Variants in SUCLG2 observed in about 807,000 individuals in gnomAD.
SUCLG2 encodes succinate-CoA ligase GDP-forming subunit beta, also known as succinate--CoA ligase [GDP-forming] subunit beta, mitochondrial.
SUCLG2 carries 42 observed loss-of-function variants against 47.9 expected under a neutral mutation model. The ratio of observed to expected loss-of-function variants is 0.88; its 90% CI spans 0.69 to 1.14. The LOEUF (loss-of-function observed/expected upper bound fraction) is 1.14. SUCLG2 is among the 50% of genes most tolerant of loss of function. SUCLG2 has a pLI of 0.00. For missense variants in SUCLG2, 571 were observed against 525.9 expected, an observed-to-expected ratio of 1.09 and a Z score of -0.84; for synonymous variants, 195 against 197.3, an observed-to-expected ratio of 0.99 and a Z score of 0.10.
chr3:67,398,345 C>G (rs949281182), intron 10 of SUCLG2, among the ~76,000 whole-genome samples: 15 of 151,128 alleles, frequency 9.9e-5, no homozygotes, highest in African/African-American at 3.2e-4. Flanking sequence ...ACAACCCCAT[C>G]AAAAAGTGGG....
chr3:67,396,557 G>A (rs1409408878), intron 10 of SUCLG2, among the ~76,000 whole-genome samples: 3 of 152,124 alleles, frequency 2.0e-5, no homozygotes, highest in African/African-American at 7.2e-5. Context: ...AAGAGTCCAG[G>A]ACCAGATGGA....
chr3:67,388,231 C>A (rs1400185790), intron 10 of SUCLG2, among the ~76,000 whole-genome samples: 2 of 152,152 alleles, frequency 1.3e-5, no homozygotes, highest in African/African-American at 2.4e-5. Flanking sequence ...TACATAGTGA[C>A]CCTTCTTAGC....
intron 1 of SUCLG2, 99 bp from the exon 2 acceptor site, chr3:67,609,695 A>G: frequency 1.8e-6 from 2 of 1,128,994 alleles, no homozygotes; most frequent in Non-Finnish European, 2.4e-6. Flanking sequence ...TTGACTGGCA[A>G]TCTGCAACCC....
At chr3:67,385,945 T>C (rs755300580) in intron 10 of SUCLG2, among the ~76,000 whole-genome samples, 1 of 152,066 alleles carries the variant, frequency 6.6e-6, no homozygotes, top group South Asian at 2.1e-4. Context: ...ATCTGGACTT[T>C]TAAGGAACAC....
chr3:67,476,997 G>A (rs929367640), intron 9 of SUCLG2, among the ~76,000 whole-genome samples: 1 of 152,158 alleles, frequency 6.6e-6, no homozygotes, highest in African/African-American at 2.4e-5. Flanking sequence ...TCTGGAGCCA[G>A]AATAACCGTT....
intron 6 of SUCLG2, among the ~76,000 whole-genome samples, chr3:67,516,861 G>T (rs1414661983): frequency 1.3e-5 from 2 of 152,182 alleles, no homozygotes; most frequent in Non-Finnish European, 2.9e-5. Context: ...GTGGCTGTAT[G>T]GAAAACGGGC....
chr3:67,556,599 A>G (rs1559570551), intron 2 of SUCLG2, among the ~76,000 whole-genome samples: 1 of 152,140 alleles, frequency 6.6e-6, no homozygotes, highest in Non-Finnish European at 1.5e-5. Flanking sequence ...GTCAAGCCAC[A>G]AAACATCCTA....
downstream of SUCLG2, among the ~76,000 whole-genome samples, chr3:67,373,077 C>A (rs1701974656): frequency 6.6e-6 from 1 of 152,100 alleles, no homozygotes; most frequent in South Asian, 2.1e-4. Context: ...TTTTCACTTC[C>A]CCACATTGTT....
chr3:67,366,302 A>C (rs1701874634), intron 10 of SUCLG2, among the ~76,000 whole-genome samples: 1 of 152,032 alleles, frequency 6.6e-6, no homozygotes, highest in African/African-American at 2.4e-5. Flanking sequence ...TCTACTAAAC[A>C]CACTGCACTC....
At chr3:67,363,485 G>A (rs569353242) in intron 10 of SUCLG2, among the ~76,000 whole-genome samples, 2 of 152,206 alleles carry the variant, frequency 1.3e-5, no homozygotes, top group South Asian at 4.1e-4. Flanking sequence ...ATGGTGGCTA[G>A]AAAAACGCCC....
At chr3:67,566,422 T>C (rs1707455716) in intron 2 of SUCLG2, among the ~76,000 whole-genome samples, 1 of 152,188 alleles carries the variant, frequency 6.6e-6, no homozygotes, top group South Asian at 2.1e-4. Context: ...AATACAACTG[T>C]ATAAAGTATA....
chr3:67,531,049 T>A (rs886303055), intron 2 of SUCLG2, among the ~76,000 whole-genome samples: 2 of 152,218 alleles, frequency 1.3e-5, no homozygotes, highest in African/African-American at 4.8e-5. Flanking sequence ...CATGCCCTTC[T>A]GTAAAGTAGT....
At chr3:67,434,999 T>C (rs1305401424) in intron 9 of SUCLG2, among the ~76,000 whole-genome samples, 1 of 152,202 alleles carries the variant, frequency 6.6e-6, no homozygotes, top group African/African-American at 2.4e-5. Flanking sequence ...GTACTTGTGC[T>C]TCTAAATGAA....
chr3:67,605,950 C>T lies in SUCLG2; in HGVS notation c.226+3505G>A, dbSNP rs183092175. Among the ~76,000 whole-genome samples the T allele has an allele frequency of 1.0e-3, 154 of 152,084 alleles. 1 individual carries two copies. Among genetic ancestry groups the T allele is most frequent in the Admixed American group, 9.0e-3 (137 of 15,276 alleles). On this transcript the variant is annotated intron_variant, in intron 2 of 10. Transcript: ENST00000307227. Reference sequence around the variant, plus strand: ...TGATACAGCCAGGTGCAATGGCTCTCGGTTGTAATCTCAGCACTTTGAGAG... The same window carrying T: ...TGATACAGCCAGGTGCAATGGCTCTTGGTTGTAATCTCAGCACTTTGAGAG...
At chr3:67,475,839 C>G (rs1255599438) in intron 9 of SUCLG2, among the ~76,000 whole-genome samples, 1 of 152,016 alleles carries the variant, frequency 6.6e-6, no homozygotes, top group East Asian at 1.9e-4. Flanking sequence ...CAGTCATCAG[C>G]CACCATGCCC....
chr3:67,614,015 G>T (rs975779831), intron 1 of SUCLG2, among the ~76,000 whole-genome samples: 7 of 152,176 alleles, frequency 4.6e-5, no homozygotes, highest in African/African-American at 1.7e-4. Context: ...ATGTGAATAG[G>T]TGTTGTCCTA....
intron 6 of SUCLG2, among the ~76,000 whole-genome samples, chr3:67,512,050 C>A (rs1705807695): frequency 6.6e-6 from 1 of 150,952 alleles, no homozygotes; most frequent in Admixed American, 6.6e-5. Flanking sequence ...AGATGGGGGT[C>A]TCGCTATGTT....
intron 10 of SUCLG2, among the ~76,000 whole-genome samples, chr3:67,388,801 AT>A (rs930313457): frequency 7.2e-5 from 11 of 152,156 alleles, no homozygotes; most frequent in Non-Finnish European, 4.4e-5. Context: ...GTTATAGTAG[AT>A]TTAGAGATGT....
chr3:67,513,777 T>C (rs1705860405), intron 6 of SUCLG2, among the ~76,000 whole-genome samples: 1 of 152,238 alleles, frequency 6.6e-6, no homozygotes, highest in African/African-American at 2.4e-5. Context: ...TCAATTGTTA[T>C]TTTGTCTGTT....
Sources: gnomAD v4.1 joint callset for allele counts (sites outside exome capture counted in the v4.1 genomes callset) on GRCh38, gnomAD v4.1.1 for gene constraint, MANE v1.5 for transcripts, NCBI Gene and HGNC (gene_info 2026-07-23, HGNC 2026-07-21) for gene names.